POLR3B: variants seen among roughly 807,000 people sequenced by gnomAD.
The protein encoded by POLR3B is DNA-directed RNA polymerase III subunit RPC2.
In POLR3B, 96 loss-of-function variants were observed where a neutral mutation model predicts 147.4. That is an observed-to-expected ratio of 0.65 (90% CI 0.55 to 0.77). POLR3B has a LOEUF of 0.77. Ranked by LOEUF, POLR3B falls within the 30% of genes least tolerant of loss-of-function variation. The pLI is 0.00. For missense variants in POLR3B, 1,036 were observed against 1,413.5 expected (o/e 0.73, Z 4.28); for synonymous variants, 461 against 485.9 (o/e 0.95, Z 0.67).
At chr12:106,423,262 A>G (rs968250771) in intron 12 of POLR3B, among the ~76,000 whole-genome samples, 1 of 152,194 alleles carries the variant, frequency 6.6e-6, no homozygotes, top group Admixed American at 6.5e-5. Flanking sequence ...AAATCATTTC[A>G]TTATCTCAGA....
At chr12:106,441,503 A>G (rs1352135981) in intron 18 of POLR3B, among the ~76,000 whole-genome samples, 1 of 152,188 alleles carries the variant, frequency 6.6e-6, no homozygotes, top group Admixed American at 6.5e-5. Flanking sequence ...AAACATATCT[A>G]AACAAAGAAA....
At chr12:106,360,041 C>T (rs911234241) in intron 1 of POLR3B, among the ~76,000 whole-genome samples, 2 of 152,132 alleles carry the variant, frequency 1.3e-5, no homozygotes, top group Non-Finnish European at 2.9e-5. Flanking sequence ...TCCAATCCAC[C>T]ATCACCTCTA....
chr12:106,375,851 TTTTTGTTTTTTTG>T (rs1170951964), intron 6 of POLR3B, among the ~76,000 whole-genome samples: 1 of 152,116 alleles, frequency 6.6e-6, no homozygotes, highest in Non-Finnish European at 1.5e-5. Flanking sequence ...ACATTTGAGT[TTTTTGTTTTTTTG>T]TTTTGTTTTT....
Position 106,432,486 on chromosome 12 carries a change from T to A in POLR3B, c.1627+6T>A. The stretch of plus-strand genomic sequence containing the variant: ...GTTTCTTGTCTTTCTTAATGGTGGG[T>A]ATATTATAGAGACATGTTGGTCCTA... On this transcript the variant is annotated splice_donor_region_variant and intron_variant, in intron 15 of 27. Coordinates refer to ENST00000228347, the MANE Select transcript of POLR3B (RefSeq NM_018082.6). 1 of 1,607,834 alleles carries A rather than the reference T, an allele frequency of 6.2e-7. No homozygotes were observed. Among genetic ancestry groups the A allele is most frequent in the Non-Finnish European group, 8.5e-7 (1 of 1,174,436 alleles).
At chr12:106,358,174 G>A in intron 1 of POLR3B, 1 of 1,436,296 alleles carries the variant, frequency 7.0e-7, no homozygotes, top group Non-Finnish European at 9.1e-7. Context: ...CGCTGCGGGG[G>A]CCGAGAAGCC....
chr12:106,427,989 G>A (rs1475737386), intron 13 of POLR3B, among the ~76,000 whole-genome samples: 1 of 152,176 alleles, frequency 6.6e-6, no homozygotes, highest in Admixed American at 6.6e-5. Context: ...CCCCAACAAA[G>A]CATAGTATAA....
chr12:106,379,897 T>C (rs2036735614), intron 8 of POLR3B, 134 bp from the exon 9 acceptor site: 2 of 681,870 alleles, frequency 2.9e-6, no homozygotes, highest in Non-Finnish European at 5.4e-6. Context: ...CTTTTTAAAG[T>C]ACTTATTAGA....
chr12:106,500,243 T>C (rs1195099813), intron 25 of POLR3B: 4 of 448,510 alleles, frequency 8.9e-6, no homozygotes, highest in Non-Finnish European at 1.8e-5. Context: ...AGTTCTCTGG[T>C]TGTTCTTGCT....
At chr12:106,417,999 G>A (rs1201079891) in intron 12 of POLR3B, among the ~76,000 whole-genome samples, 2 of 152,182 alleles carry the variant, frequency 1.3e-5, no homozygotes, top group African/African-American at 2.4e-5. Context: ...TAGCAAAAAT[G>A]TGTAAAAACA....
chr12:106,480,021 A>G (rs555533212), intron 23 of POLR3B, among the ~76,000 whole-genome samples: 2 of 137,488 alleles, frequency 1.5e-5, no homozygotes, highest in South Asian at 2.2e-4. Flanking sequence ...GGCTTTTTTT[A>G]TTATTATTAT....
At chr12:106,383,358 T>C (rs929169002) in intron 9 of POLR3B, among the ~76,000 whole-genome samples, 1 of 152,222 alleles carries the variant, frequency 6.6e-6, no homozygotes, top group African/African-American at 2.4e-5. Context: ...GTGCACAACT[T>C]GGTGCAGGAG....
At chr12:106,500,007 CA>C (rs1328187162) in intron 25 of POLR3B, 38 of 442,816 alleles carry the variant, frequency 8.6e-5, no homozygotes, top group Non-Finnish European at 9.0e-6. Context: ...TGTTCCAAAT[CA>C]GACCAGTGTT....
intron 21 of POLR3B, among the ~76,000 whole-genome samples, chr12:106,457,777 A>G (rs144668166): frequency 6.6e-6 from 1 of 152,330 alleles, no homozygotes; most frequent in African/African-American, 2.4e-5. Context: ...TCATGCATAA[A>G]TCCAGGTTAA....
Position 106,401,990 on chromosome 12 carries a change from A to G in POLR3B, c.847-3867A>G, listed in dbSNP as rs1311181505. On this transcript the variant is annotated intron_variant, in intron 10 of 27. Coordinates refer to ENST00000228347, the MANE Select transcript of POLR3B (RefSeq NM_018082.6). Reference sequence around the variant, plus strand: ...AATCAGGCAGTTGAAGGAAATAAAGAGTATTCAATTAGGAAAAGAGGAAGT... The same window carrying G: ...AATCAGGCAGTTGAAGGAAATAAAGGGTATTCAATTAGGAAAAGAGGAAGT... 1.1e-4 allele frequency among the ~76,000 whole-genome samples: 16 copies of G among 152,296 alleles called. No individual in the cohort carries two copies. In the East Asian group the frequency reaches 2.1e-3, roughly 20 times the overall value.
At chr12:106,458,852 G>C (rs916158857) in intron 21 of POLR3B, among the ~76,000 whole-genome samples, 2 of 152,110 alleles carry the variant, frequency 1.3e-5, no homozygotes, top group Admixed American at 1.3e-4. Context: ...TGATTTCCTT[G>C]TTGCCCAAGT....
intron 15 of POLR3B, 101 bp downstream of exon 15, chr12:106,432,581 C>T (rs535700103): frequency 2.0e-6 from 2 of 998,240 alleles, no homozygotes; most frequent in East Asian, 2.4e-5. Context: ...GACTTTAATT[C>T]TGGGCCCAGG....
intron 22 of POLR3B, among the ~76,000 whole-genome samples, chr12:106,460,019 G>A (rs973974973): frequency 3.9e-5 from 6 of 152,156 alleles, no homozygotes; most frequent in Non-Finnish European, 8.8e-5. Context: ...CCTAGCCAAG[G>A]TGAACTAGGC....
intron 9 of POLR3B, among the ~76,000 whole-genome samples, chr12:106,385,057 C>T (rs995738323): frequency 2.0e-5 from 3 of 152,078 alleles, no homozygotes; most frequent in Non-Finnish European, 2.9e-5. Context: ...AACTCTTGAC[C>T]GTGTGATCCT....
chr12:106,454,486 TCC>T lies in POLR3B; in HGVS notation c.2084-14_2084-13del. The T allele has an allele frequency of 7.9e-7, 1 of 1,261,582 alleles. No individual in the cohort carries two copies. The highest frequency in any genetic ancestry group is 1.2e-6 in the Non-Finnish European group (1 of 858,720). 78.1% of individuals were successfully genotyped at this position (1,261,582 alleles called of 1,614,324 possible). A position where few individuals can be genotyped will look rare whatever the true frequency, so the allele number is the denominator to read the frequency against. ...TAATAGAATGTTGTATTTTGTTTTC[TCC>T]CATATCAATGCAGGTACTATAGGAT... is the stretch of plus-strand genomic sequence containing the variant. On this transcript the variant is annotated splice_polypyrimidine_tract_variant and intron_variant, in intron 19 of 27. Coordinates refer to ENST00000228347, the MANE Select transcript of POLR3B (RefSeq NM_018082.6).
Sources: allele counts gnomAD v4.1 joint callset (sites outside exome capture counted in the v4.1 genomes callset), GRCh38; gene constraint gnomAD v4.1.1; transcripts MANE v1.5; gene names NCBI Gene and HGNC (gene_info 2026-07-23, HGNC 2026-07-21).